The following MAMLD1 variants were observed in gnomAD, a reference collection of about 807,000 sequenced individuals.
MAMLD1 encodes mastermind like domain containing 1.
A neutral mutation model predicts 45.0 loss-of-function variants in MAMLD1; 14 were observed. That is an observed-to-expected ratio of 0.31 (90% CI 0.21 to 0.49). The LOEUF is 0.49. MAMLD1 is among the 20% of genes least tolerant of loss of function. MAMLD1 has a pLI of 0.99. For synonymous variants in MAMLD1, 254 were observed against 247.8 expected (o/e 1.02, Z -0.24); for missense variants, 543 against 603.6 (o/e 0.90, Z 1.05).
intron 1 of MAMLD1, among the ~76,000 whole-genome samples, chrX:150,370,915 G>C (rs1165224375): frequency 8.9e-6 from 1 of 112,258 alleles, no homozygotes; most frequent in East Asian, 2.8e-4. Context: ...GGCCTAAGGA[G>C]GGTTTGGGAG....
chrX:150,391,399 A>G (rs2033173399), intron 1 of MAMLD1, among the ~76,000 whole-genome samples: 1 of 109,942 alleles, frequency 9.1e-6, no homozygotes, highest in South Asian at 3.9e-4. Flanking sequence ...TCTTTAGATT[A>G]CTTTCTCTTT....
At chrX:150,368,996 G>C (rs1233711249) in intron 1 of MAMLD1, among the ~76,000 whole-genome samples, 1 of 112,195 alleles carries the variant, frequency 8.9e-6, no homozygotes, top group Admixed American at 9.4e-5. Context: ...CAGGTAGCAT[G>C]ATGCCTCCAG....
chrX:150,443,261 T>C (rs782613825), intron 1 of MAMLD1, among the ~76,000 whole-genome samples: 1 of 106,222 alleles, frequency 9.4e-6, no homozygotes, highest in South Asian at 4.4e-4. Context: ...TCATTCTCTT[T>C]CTCATCTCCT....
intron 1 of MAMLD1, among the ~76,000 whole-genome samples, chrX:150,370,729 G>C (rs1194659896): frequency 9.0e-6 from 1 of 111,568 alleles, no homozygotes; most frequent in East Asian, 2.8e-4. Flanking sequence ...CCCCTTCACA[G>C]AGCCTCCCTG....
At chrX:150,415,573 T>A (rs782149474) in intron 1 of MAMLD1, among the ~76,000 whole-genome samples, 1 of 112,542 alleles carries the variant, frequency 8.9e-6, no homozygotes, top group South Asian at 3.6e-4. Flanking sequence ...CTTGATTAGA[T>A]GAATAAACAA....
At chrX:150,412,259 C>T (rs2124536358) in intron 1 of MAMLD1, among the ~76,000 whole-genome samples, 1 of 111,077 alleles carries the variant, frequency 9.0e-6, no homozygotes, top group South Asian at 3.8e-4. Context: ...TCCCTGAAAT[C>T]TCATACCTAA....
intron 6 of MAMLD1, 137 bp downstream of exon 6, chrX:150,503,654 A>C: frequency 2.0e-6 from 1 of 490,471 alleles, no homozygotes; most frequent in Non-Finnish European, 3.6e-6. Context: ...AGCTCTGTCC[A>C]CCCATGAGGG....
chrX:150,395,875 T>C (rs1254942592), intron 1 of MAMLD1, among the ~76,000 whole-genome samples: 2 of 111,286 alleles, frequency 1.8e-5, no homozygotes, highest in Non-Finnish European at 3.8e-5. Flanking sequence ...TTTAATAAAC[T>C]AGCTTTTGGT....
intron 5 of MAMLD1, among the ~76,000 whole-genome samples, chrX:150,477,601 C>T (rs1245541876): frequency 8.9e-6 from 1 of 111,963 alleles, no homozygotes; most frequent in Non-Finnish European, 1.9e-5. Context: ...CCAAGCCAGG[C>T]TGTGGTTTCC....
chrX:150,429,382 A>G (rs1005786883), intron 1 of MAMLD1, among the ~76,000 whole-genome samples: 1 of 110,888 alleles, frequency 9.0e-6, no homozygotes, highest in African/African-American at 3.3e-5. Context: ...AAAAGCAGTA[A>G]GAAGAATTGA....
chrX:150,451,951 C>T (rs1455258704), intron 2 of MAMLD1, among the ~76,000 whole-genome samples: 1 of 111,875 alleles, frequency 8.9e-6, no homozygotes, highest in East Asian at 2.8e-4. Flanking sequence ...CCTCTCAAGT[C>T]CCCATCCAGA....
intron 1 of MAMLD1, among the ~76,000 whole-genome samples, chrX:150,403,291 G>A (rs1557402547): frequency 9.0e-6 from 1 of 111,407 alleles, no homozygotes; most frequent in South Asian, 3.8e-4. Flanking sequence ...TAGTTGCCAG[G>A]GACTGAGGTG....
intron 1 of MAMLD1, among the ~76,000 whole-genome samples, chrX:150,375,382 G>T (rs1485257304): frequency 8.9e-6 from 1 of 112,246 alleles, no homozygotes; most frequent in Non-Finnish European, 1.9e-5. Flanking sequence ...GTCAGCCCTA[G>T]AAAGTAAATA....
chrX:150,366,422 C>T (rs1270861716), intron 1 of MAMLD1, among the ~76,000 whole-genome samples: 5 of 112,111 alleles, frequency 4.5e-5, no homozygotes, highest in Non-Finnish European at 5.6e-5. Context: ...AAAGGGTAAA[C>T]TACTGGTTCT....
chrX:150,470,734 A>G lies in MAMLD1; in HGVS notation c.1161A>G (p.Leu387=). 2.5e-6 allele frequency: 3 copies of G among 1,211,722 alleles called. No homozygotes were observed. The highest frequency in any genetic ancestry group is 3.4e-6 in the Non-Finnish European group (3 of 895,453). Residue 387 remains leucine (L), a synonymous_variant, in exon 4 of 8, where the codon TTA becomes TTG. Transcript: ENST00000370401. ...GSTLRGSPNA[L]LSSMTSSSNA... ...CTCTCCGAGGCTCTCCCAATGCCTT[A>G]CTGTCAAGCATGACGTCCAGCAGCA...
At chrX:150,388,151 G>A in intron 1 of MAMLD1, among the ~76,000 whole-genome samples, 1 of 111,427 alleles carries the variant, frequency 9.0e-6, no homozygotes, top group African/African-American at 3.3e-5. Context: ...TCTAGGTATG[G>A]ATATTTCCTT....
chrX:150,403,966 AAGAAAGAAAGAAAG>A (rs2033913823), intron 1 of MAMLD1, among the ~76,000 whole-genome samples: 1 of 85,335 alleles, frequency 1.2e-5, no homozygotes, highest in African/African-American at 4.8e-5. Context: ...GAAAGAAAGA[AAGAAAGAAAGAAAG>A]AAAGAAAGAA....
At chrX:150,395,742 T>C (rs1477459910) in intron 1 of MAMLD1, among the ~76,000 whole-genome samples, 2 of 110,899 alleles carry the variant, frequency 1.8e-5, no homozygotes, top group African/African-American at 6.6e-5. Context: ...AGTATTATTT[T>C]ATTATGCTTT....
At chrX:150,471,663 A>C (rs1265839962) in intron 4 of MAMLD1, among the ~76,000 whole-genome samples, 173 bp downstream of exon 4, 4 of 112,149 alleles carry the variant, frequency 3.6e-5, no homozygotes, top group African/African-American at 1.3e-4. Context: ...TTAAAAGCAC[A>C]GTGTTAATAA....
Sources: allele counts gnomAD v4.1 joint callset (sites outside exome capture counted in the v4.1 genomes callset), GRCh38; gene constraint gnomAD v4.1.1; transcripts MANE v1.5; gene names NCBI Gene and HGNC (gene_info 2026-07-23, HGNC 2026-07-21).